MYO1B: variants seen among roughly 807,000 people sequenced by gnomAD.
MYO1B encodes unconventional myosin-Ib.
Under a neutral mutation model 159.7 loss-of-function variants are expected in MYO1B, and 72 were observed. The observed-to-expected ratio is 0.45, with a 90% CI of 0.37 to 0.55. The LOEUF (loss-of-function observed/expected upper bound fraction) is 0.55, where lower values mean the gene tolerates loss of function less well. Among genes scored for constraint, MYO1B ranks in the 20% least tolerant of loss-of-function variants. MYO1B has a pLI of 0.00. For missense variants in MYO1B, 1,062 were observed against 1,364.8 expected (o/e 0.78, Z 3.50); for synonymous variants, 468 against 473.8 (o/e 0.99, Z 0.16).
intron 1 of MYO1B, among the ~76,000 whole-genome samples, chr2:191,270,970 T>C (rs2356354): frequency 0.46 from 70,432 of 152,088 alleles, 19,269 homozygotes; most frequent in East Asian, 0.65. Flanking sequence ...ACGTGCATTG[T>C]TGTACGACTC....
At chr2:191,271,827 G>A (rs1478412065) in intron 1 of MYO1B, among the ~76,000 whole-genome samples, 3 of 152,194 alleles carry the variant, frequency 2.0e-5, no homozygotes, top group African/African-American at 4.8e-5. Context: ...CATGCTGGAT[G>A]TGCTGTTTTG....
intron 3 of MYO1B, among the ~76,000 whole-genome samples, chr2:191,310,716 A>G (rs553295917): frequency 1.9e-3 from 296 of 152,372 alleles, no homozygotes; most frequent in Admixed American, 4.2e-3. Flanking sequence ...AGGTTATTCC[A>G]AAGTAATAGG....
chr2:191,292,849 A>G lies in MYO1B; in HGVS notation c.136-3262A>G, dbSNP rs1688764290. 4.0e-5 allele frequency among the ~76,000 whole-genome samples: 6 copies of G among 151,536 alleles called. No individual in the cohort carries two copies. The South Asian group carries it at 1.2e-3, about 31-fold the overall frequency. On this transcript the variant is annotated intron_variant, in intron 2 of 30. Transcript: ENST00000392318. Reference sequence around the variant, plus strand: ...TAAAGGCTTACACCAACAGCCAATTATTTGCTCACGATTCTCTGGGATAGC... The same window carrying G: ...TAAAGGCTTACACCAACAGCCAATTGTTTGCTCACGATTCTCTGGGATAGC...
chr2:191,276,657 G>A (rs1346018665), intron 1 of MYO1B, among the ~76,000 whole-genome samples: 3 of 152,106 alleles, frequency 2.0e-5, no homozygotes, highest in Non-Finnish European at 2.9e-5. Flanking sequence ...CTTCACCAGG[G>A]AGGATGGACT....
Position 191,383,290 on chromosome 2 carries a change from G to A in MYO1B, c.1301G>A (p.Trp434Ter). Reference protein sequence around the residue: ...QEEYIREDIEWTHIDYFNNAI... With the variant: ...QEEYIREDIE ...TGTTTTGTCTTTTAGGATATAGAAT[G>A]GACTCACATTGACTACTTCAATAAT... Residue 434 changes from tryptophan (W) to a stop codon, truncating the protein, a stop_gained, in exon 15 of 31, where the codon TGG (tryptophan) becomes TAG (stop). Transcript: ENST00000392318. LOFTEE classifies it high-confidence loss of function. The A allele has an allele frequency of 6.4e-7, 1 of 1,573,928 alleles. No individual in the cohort carries two copies. The highest frequency in any genetic ancestry group is 8.6e-7 in the Non-Finnish European group (1 of 1,161,782).
Position 191,414,198 on chromosome 2 carries a change from G to A in MYO1B, c.3006+18G>A, listed in dbSNP as rs779540662. 6.2e-7 allele frequency: 1 copy of A among 1,605,040 alleles called. No individual in the cohort carries two copies. The highest frequency in any genetic ancestry group is 1.1e-5 in the South Asian group (1 of 88,302). ...ATGGGAAGGTAAAAATGCTAACCTTGAAGACTGATAAGAAGTACCTATTAG... is the reference window on the plus strand; with the variant it reads ...ATGGGAAGGTAAAAATGCTAACCTTAAAGACTGATAAGAAGTACCTATTAG... On this transcript the variant is annotated intron_variant, in intron 28 of 30. Coordinates refer to ENST00000392318, the MANE Select transcript of MYO1B (RefSeq NM_001130158.3).
In MYO1B at chr2:191,370,249, A is replaced by G. The variant is rs761491806; in HGVS notation, c.1142A>G (p.Lys381Arg). 1 of 1,612,840 alleles carries G rather than the reference A, an allele frequency of 6.2e-7. No individual in the cohort carries two copies. Among genetic ancestry groups the G allele is most frequent in the Non-Finnish European group, 8.5e-7 (1 of 1,179,522 alleles). The change falls in exon 13 of 31, where the codon AAG (lysine) becomes AGG (arginine). Residue 381 changes from lysine to arginine, a missense_variant. By Grantham distance (26) the Lys-to-Arg change is conservative. Transcript: ENST00000392318. ...AAGGCACAAACAAAAGTGAGAAAGA[A>G]GGTCATGGGTGTTCTGGACATTTAT... ...SIKAQTKVRK[K>R]VMGVLDIYGF...
At chr2:191,423,766 C>T in intron 30 of MYO1B, 71 bp from the exon 31 acceptor site, 2 of 1,516,178 alleles carry the variant, frequency 1.3e-6, no homozygotes, top group Non-Finnish European at 1.8e-6. Flanking sequence ...CATTAAAATA[C>T]AAAAGCAAGT....
chr2:191,419,379 C>T (rs1054611839), intron 30 of MYO1B, among the ~76,000 whole-genome samples: 16 of 152,022 alleles, frequency 1.1e-4, no homozygotes, highest in Admixed American at 2.0e-4. Flanking sequence ...CCACCACGCC[C>T]GGCTAATTTT....
At chr2:191,344,856 C>G (rs1490347472) in intron 5 of MYO1B, among the ~76,000 whole-genome samples, 1 of 129,104 alleles carries the variant, frequency 7.7e-6, no homozygotes, top group Non-Finnish European at 1.7e-5. Context: ...AAAAAAGAAT[C>G]AAAAACACGA....
At chr2:191,406,253 C>T (rs578140412) in intron 24 of MYO1B, among the ~76,000 whole-genome samples, 1 of 152,328 alleles carries the variant, frequency 6.6e-6, no homozygotes, top group Non-Finnish European at 1.5e-5. Flanking sequence ...GATCTTATAT[C>T]TAGACCACTA....
chr2:191,296,900 A>G (rs1574365136), intron 3 of MYO1B, among the ~76,000 whole-genome samples: 1 of 152,208 alleles, frequency 6.6e-6, no homozygotes, highest in Non-Finnish European at 1.5e-5. Flanking sequence ...CTGAAACATA[A>G]CACTGGAAAA....
In MYO1B at chr2:191,386,093, G is replaced by C; in HGVS notation, c.1554+9G>C. 1 of 1,613,626 alleles carries C rather than the reference G, an allele frequency of 6.2e-7. No homozygotes were observed. The highest frequency in any genetic ancestry group is 8.5e-7 in the Non-Finnish European group (1 of 1,179,720). On this transcript the variant is annotated intron_variant, in intron 16 of 30. Coordinates refer to ENST00000392318, the MANE Select transcript of MYO1B (RefSeq NM_001130158.3). ...AGCATTATGCTGGAAAGGTATGGGGGAGCTGTGAGCACCCAGTCAGGCCTG... is the reference window on the plus strand; with the variant it reads ...AGCATTATGCTGGAAAGGTATGGGGCAGCTGTGAGCACCCAGTCAGGCCTG...
chr2:191,411,077 C>T lies in MYO1B; in HGVS notation c.2778C>T (p.Tyr926=). The T allele has an allele frequency of 1.9e-6, 3 of 1,599,534 alleles. No homozygotes were observed. The highest frequency in any genetic ancestry group is 2.6e-6 in the Non-Finnish European group (3 of 1,173,146). The change falls in exon 27 of 31, where the codon TAC becomes TAT. Residue 926 remains tyrosine, a synonymous_variant. Coordinates refer to ENST00000392318, the MANE Select transcript of MYO1B (RefSeq NM_001130158.3). Reference sequence around the variant, plus strand: ...CTCATATCTCACAGTGTAAAAAATACAGGGACCAATTCACAGACCAGCAGA... The same window carrying T: ...CTCATATCTCACAGTGTAAAAAATATAGGGACCAATTCACAGACCAGCAGA... ...RIFHLWRCKK[Y]RDQFTDQQKL... is the part of the protein sequence containing the mutation.
chr2:191,353,190 G>C (rs1693032235), intron 7 of MYO1B, among the ~76,000 whole-genome samples: 1 of 152,158 alleles, frequency 6.6e-6, no homozygotes, highest in Non-Finnish European at 1.5e-5. Context: ...TTTCAATAGA[G>C]AAGATAAAAT....
intron 1 of MYO1B, among the ~76,000 whole-genome samples, chr2:191,257,781 G>A (rs763287754): frequency 1.4e-4 from 21 of 152,194 alleles, no homozygotes; most frequent in Admixed American, 3.9e-4. Context: ...ATTTAATGAT[G>A]CTACACAATT....
intron 2 of MYO1B, among the ~76,000 whole-genome samples, chr2:191,290,043 A>G (rs986831362): frequency 6.6e-5 from 10 of 152,180 alleles, no homozygotes; most frequent in South Asian, 2.1e-4. Context: ...TCTAAAATGT[A>G]TTGCATATAT....
chr2:191,288,135 C>T (rs1384224792), intron 2 of MYO1B, among the ~76,000 whole-genome samples: 1 of 151,704 alleles, frequency 6.6e-6, no homozygotes, highest in African/African-American at 2.4e-5. Flanking sequence ...ACTTCCTCCT[C>T]TTGGGTATAG....
chr2:191,259,683 G>A (rs1686677550), intron 1 of MYO1B, among the ~76,000 whole-genome samples: 1 of 152,136 alleles, frequency 6.6e-6, no homozygotes, highest in African/African-American at 2.4e-5. Context: ...TATTGAGAAC[G>A]AGGTGATTGG....
Sources: gnomAD v4.1 joint callset for allele counts (sites outside exome capture counted in the v4.1 genomes callset) on GRCh38, gnomAD v4.1.1 for gene constraint, MANE v1.5 for transcripts, NCBI Gene and HGNC (gene_info 2026-07-23, HGNC 2026-07-21) for gene names.